Variants in CSMD3 observed in about 807,000 individuals in gnomAD.
The protein encoded by CSMD3 is CUB and Sushi multiple domains 3.
CSMD3 carries 177 observed loss-of-function variants against 435.2 expected under a neutral mutation model. That is an observed-to-expected ratio of 0.41 (90% CI 0.36 to 0.46). The LOEUF (loss-of-function observed/expected upper bound fraction) is 0.46. CSMD3 is among the 20% of genes least tolerant of loss of function. The probability of loss-of-function intolerance (pLI) is 0.34; values close to 1 mark genes in which losing one functional copy is unlikely to be tolerated. For synonymous variants in CSMD3, 1,656 were observed against 1,520.5 expected (o/e 1.09, Z -2.07); for missense variants, 4,265 against 4,504.6 (o/e 0.95, Z 1.52).
rs2129755236 is a variant in CSMD3, at chr8:112,224,725, T to C, written c.*46A>G. On this transcript the variant is annotated 3_prime_UTR_variant, in exon 71 of 71. Transcript: ENST00000297405. ...AGCAGTGAACTAAATGTGCACTGTT[T>C]TGTGTGTCGATTTCCAAGCTTCTGA... 6.2e-7 allele frequency: 1 copy of C among 1,603,098 alleles called. No individual in the cohort carries two copies. The highest frequency in any genetic ancestry group is 8.5e-7 in the Non-Finnish European group (1 of 1,169,928).
intron 3 of CSMD3, among the ~76,000 whole-genome samples, chr8:113,206,200 T>C (rs759004528): frequency 1.3e-5 from 2 of 152,144 alleles, no homozygotes; most frequent in Non-Finnish European, 2.9e-5. Flanking sequence ...TGTCCCCCTA[T>C]ATTTTGATTT....
chr8:112,261,702 T>C (rs544711334), intron 61 of CSMD3, among the ~76,000 whole-genome samples: 13 of 152,222 alleles, frequency 8.5e-5, no homozygotes, highest in Admixed American at 2.0e-4. Context: ...CAATAGACTC[T>C]GCAAGTCTTT....
At chr8:112,506,496 T>C (rs1442986008) in intron 29 of CSMD3, among the ~76,000 whole-genome samples, 195 bp downstream of exon 29, 1 of 152,036 alleles carries the variant, frequency 6.6e-6, no homozygotes, top group Non-Finnish European at 1.5e-5. Flanking sequence ...AAATGGAGGC[T>C]CACTCAAATA....
chr8:112,755,631 A>G (rs1479267952), intron 13 of CSMD3, among the ~76,000 whole-genome samples: 1 of 150,602 alleles, frequency 6.6e-6, no homozygotes, highest in African/African-American at 2.4e-5. Context: ...CAGGGTGAGA[A>G]CGGACTAATA....
intron 38 of CSMD3, among the ~76,000 whole-genome samples, chr8:112,376,513 G>A (rs140322235): frequency 1.3e-5 from 2 of 152,162 alleles, no homozygotes; most frequent in African/African-American, 4.8e-5. Context: ...CTCCCACTGA[G>A]AGTTTCACGT....
chr8:112,874,099 G>C (rs1171757888), intron 10 of CSMD3, among the ~76,000 whole-genome samples: 1 of 152,070 alleles, frequency 6.6e-6, no homozygotes, highest in Non-Finnish European at 1.5e-5. Context: ...AGAGATTCTG[G>C]TATGTTGTGT....
intron 1 of CSMD3, among the ~76,000 whole-genome samples, chr8:113,330,733 T>TA (rs1211669441): frequency 6.6e-6 from 1 of 151,726 alleles, no homozygotes; most frequent in African/African-American, 2.4e-5. Context: ...TCCATATTAA[T>TA]AAAAAAATAT....
chr8:113,229,997 A>G (rs2093067671), intron 3 of CSMD3, among the ~76,000 whole-genome samples: 1 of 151,694 alleles, frequency 6.6e-6, no homozygotes, highest in Non-Finnish European at 1.5e-5. Flanking sequence ...TACCATGTCC[A>G]GTATGGAACC....
chr8:112,492,787 A>G (rs1227538176), intron 30 of CSMD3, 104 bp from the exon 31 acceptor site: 1 of 941,900 alleles, frequency 1.1e-6, no homozygotes, highest in Admixed American at 1.8e-5. Flanking sequence ...CAGATTGAAA[A>G]TATTTGGAAA....
intron 32 of CSMD3, among the ~76,000 whole-genome samples, chr8:112,413,650 A>T (rs1200047202): frequency 3.9e-5 from 6 of 152,172 alleles, no homozygotes; most frequent in Non-Finnish European, 1.5e-5. Flanking sequence ...ATGCACTAAA[A>T]TGGGTTAGTG....
At chr8:113,104,157 G>A (rs1564318844) in intron 4 of CSMD3, among the ~76,000 whole-genome samples, 3 of 152,074 alleles carry the variant, frequency 2.0e-5, no homozygotes, top group Non-Finnish European at 4.4e-5. Context: ...TGGGGGTGGG[G>A]TGCAGGAAAT....
chr8:112,314,203 GTTTTAAGCATTTTAATTCTA>G (rs1410502459), intron 48 of CSMD3, 151 bp from the exon 49 acceptor site: 59 of 745,482 alleles, frequency 7.9e-5, no homozygotes, highest in Admixed American at 5.6e-4. Flanking sequence ...TAAAATGTTT[GTTTTAAGCATTTTAATTCTA>G]TAGCTAAATG....
intron 13 of CSMD3, among the ~76,000 whole-genome samples, chr8:112,782,249 C>A (rs1276677218): frequency 6.6e-6 from 1 of 151,886 alleles, no homozygotes; most frequent in Non-Finnish European, 1.5e-5. Flanking sequence ...ATTAAAATAT[C>A]TTTAGTAATA....
At chr8:113,265,314 C>T (rs1033817332) in intron 3 of CSMD3, among the ~76,000 whole-genome samples, 2 of 151,410 alleles carry the variant, frequency 1.3e-5, no homozygotes, top group Admixed American at 1.3e-4. Context: ...AAAAAATAGC[C>T]TGGGTTAAGA....
intron 3 of CSMD3, among the ~76,000 whole-genome samples, chr8:113,203,397 T>G (rs1419108448): frequency 6.6e-6 from 1 of 151,942 alleles, no homozygotes; most frequent in Non-Finnish European, 1.5e-5. Flanking sequence ...ACCATGGACC[T>G]CTTGGGCTCA....
At chr8:112,360,645 C>G (rs948451969) in intron 38 of CSMD3, among the ~76,000 whole-genome samples, 8 of 151,720 alleles carry the variant, frequency 5.3e-5, no homozygotes, top group African/African-American at 1.9e-4. Context: ...TCTATAATAA[C>G]ATAAATTATT....
intron 3 of CSMD3, among the ~76,000 whole-genome samples, chr8:113,271,474 C>T (rs1226663730): frequency 6.6e-6 from 1 of 152,102 alleles, no homozygotes; most frequent in Non-Finnish European, 1.5e-5. Context: ...AGGTACAGCT[C>T]GGGCCATGGT....
intron 55 of CSMD3, 108 bp downstream of exon 55, chr8:112,292,429 T>G: frequency 9.6e-7 from 1 of 1,042,224 alleles, no homozygotes; most frequent in East Asian, 2.4e-5. Flanking sequence ...TTTGTTTTAT[T>G]AGATAAAAAC....
intron 19 of CSMD3, 131 bp downstream of exon 19, chr8:112,650,030 A>G (rs1586888776): frequency 2.9e-6 from 2 of 694,286 alleles, no homozygotes; most frequent in East Asian, 5.4e-5. Context: ...TGATAACATA[A>G]ATTTGCCAGA....
Sources: allele counts gnomAD v4.1 joint callset (sites outside exome capture counted in the v4.1 genomes callset), GRCh38; gene constraint gnomAD v4.1.1; transcripts MANE v1.5; gene names NCBI Gene and HGNC (gene_info 2026-07-23, HGNC 2026-07-21).